Variants in CCDC39 observed in about 807,000 individuals in gnomAD.
CCDC39 encodes coiled-coil domain-containing protein 39.
A neutral mutation model predicts 121.0 loss-of-function variants in CCDC39; 113 were observed. The observed-to-expected ratio is 0.93, with a 90% CI of 0.80 to 1.09. CCDC39 has a LOEUF of 1.09. Among genes scored for constraint, CCDC39 ranks in the 50% least tolerant of loss-of-function variants. The probability of loss-of-function intolerance (pLI) is 0.00; values close to 1 mark genes in which losing one functional copy is unlikely to be tolerated. For missense variants in CCDC39, 1,063 were observed against 1,074.7 expected, an observed-to-expected ratio of 0.99 and a Z score of 0.15; for synonymous variants, 349 against 352.2, an observed-to-expected ratio of 0.99 and a Z score of 0.10.
In CCDC39 at chr3:180,652,205, T is replaced by C. The variant is rs1027440317; in HGVS notation, c.992A>G (p.Asn331Ser). The stretch of plus-strand genomic sequence containing the variant: ...AATGTCCTTCTTTATCTTGGAAATA[T>C]TTTTCCTCAGAGCTTCTAAATCACT... Reference protein sequence around the residue: ...TSSDLEALRKNISKIKKDIHE... With the variant: ...TSSDLEALRKSISKIKKDIHE... Residue 331 changes from asparagine to serine, a missense_variant, in exon 8 of 20, where the codon AAT becomes AGT. By Grantham distance (46) the Asn-to-Ser change is conservative. Transcript: ENST00000476379. 5 of 1,535,922 alleles carry C rather than the reference T, an allele frequency of 3.3e-6. No individual in the cohort carries two copies. Among genetic ancestry groups the C allele is most frequent in the Non-Finnish European group, 4.4e-6 (5 of 1,141,198 alleles).
At chr3:180,621,932 T>C (rs1271691619) in intron 14 of CCDC39, among the ~76,000 whole-genome samples, 2 of 152,060 alleles carry the variant, frequency 1.3e-5, no homozygotes, top group Non-Finnish European at 2.9e-5. Context: ...TGCATGTGAA[T>C]TTTAGGATTG....
Position 180,616,967 on chromosome 3 carries a change from C to T in CCDC39, c.2266-1G>A. On this transcript the variant is annotated splice_acceptor_variant, in intron 16 of 19. Transcript: ENST00000476379. LOFTEE classifies it high-confidence loss of function. ...TAACATCTAATGTATTTTCCATGCT[C>T]TGTAGAAAAAATATTAACATGTATT... 2 of 1,321,908 alleles carry T rather than the reference C, an allele frequency of 1.5e-6. No individual in the cohort carries two copies. The highest frequency in any genetic ancestry group is 2.1e-6 in the Non-Finnish European group (2 of 973,906). 81.9% of individuals were successfully genotyped at this position (1,321,908 alleles called of 1,614,324 possible).
chr3:180,651,664 C>G (rs1325240306), intron 8 of CCDC39, 131 bp from the exon 9 acceptor site: 7 of 758,908 alleles, frequency 9.2e-6, no homozygotes, highest in Non-Finnish European at 1.4e-5. Context: ...TTTATTACCA[C>G]TACATATTTA....
Position 180,647,188 on chromosome 3 carries a change from TTAA to T in CCDC39, c.1415_1417del (p.Ile472del), listed in dbSNP as rs1336978771. On this transcript the variant is annotated inframe_deletion, in exon 11 of 20. Transcript: ENST00000476379. ...TTCAAGCGCTTGTTTTTCTTCTGAATTAATTTCTCCCTTTAACCGTGACATTCT... is the reference window on the plus strand; with the variant it reads ...TTCAAGCGCTTGTTTTTCTTCTGAATTTTCTCCCTTTAACCGTGACATTCT... The T allele has an allele frequency of 6.2e-7, 1 of 1,611,980 alleles. No homozygotes were observed. The highest frequency in any genetic ancestry group is 1.7e-5 in the Admixed American group (1 of 59,842).
chr3:180,677,531 A>G (rs996304124), intron 1 of CCDC39, among the ~76,000 whole-genome samples: 22 of 151,974 alleles, frequency 1.4e-4, no homozygotes, highest in African/African-American at 5.3e-4. Flanking sequence ...TCAGTAATCT[A>G]TATTTGAAAT....
At position 180,678,526 on chromosome 3, in the gene CCDC39, G is replaced by A. The variant is rs148858978; in HGVS notation, c.90+765C>T. ...TATTTTTTTATTTTTTCGTAGAGAC[G>A]CGGTGGGAGGGGTTTGTGGGGGGTC... is the stretch of plus-strand genomic sequence containing the variant. On this transcript the variant is annotated intron_variant, in intron 1 of 19. Transcript: ENST00000476379. Among the ~76,000 whole-genome samples, 4 of 151,858 alleles carry A rather than the reference G, an allele frequency of 2.6e-5. No homozygotes were observed. In the East Asian group the frequency reaches 7.7e-4, roughly 29 times the overall value.
In CCDC39 at chr3:180,659,512, T is replaced by C; in HGVS notation, c.678A>G (p.Gln226=). 6.2e-7 allele frequency: 1 copy of C among 1,613,558 alleles called. No individual in the cohort carries two copies. ...GCATCTGTTCTATTGTGTTCTCCCA[T>C]TGTTTAATGAGTTCTTGTCTTTCAT... ...IHNERQELIK[Q]WENTIEQMQK... is the part of the protein sequence containing the mutation. Residue 226 remains glutamine, a synonymous_variant, in exon 6 of 20, where the codon CAA becomes CAG. Coordinates refer to ENST00000476379, the MANE Select transcript of CCDC39 (RefSeq NM_181426.2).
chr3:180,628,598 G>C (rs1717620673), intron 14 of CCDC39, among the ~76,000 whole-genome samples: 1 of 152,158 alleles, frequency 6.6e-6, no homozygotes, highest in Non-Finnish European at 1.5e-5. Context: ...AACAAGCTTT[G>C]TCTGTAAAGG....
intron 14 of CCDC39, among the ~76,000 whole-genome samples, chr3:180,628,166 A>G (rs1230142954): frequency 1.3e-5 from 2 of 152,156 alleles, no homozygotes; most frequent in African/African-American, 4.8e-5. Context: ...AACCAACCCT[A>G]TCAACACCTT....
chr3:180,628,428 C>T (rs933712219), intron 14 of CCDC39, among the ~76,000 whole-genome samples: 3 of 152,212 alleles, frequency 2.0e-5, no homozygotes, highest in East Asian at 1.9e-4. Flanking sequence ...AGGATGGTCT[C>T]GATCTCCTGA....
chr3:180,671,206 G>A (rs188037182), intron 1 of CCDC39, among the ~76,000 whole-genome samples: 27 of 119,732 alleles, frequency 2.3e-4, no homozygotes, highest in Non-Finnish European at 3.5e-4. Flanking sequence ...GCAAGACTCT[G>A]TGTCAAAAAA....
intron 1 of CCDC39, among the ~76,000 whole-genome samples, chr3:180,667,644 C>G (rs1253089929): frequency 9.2e-5 from 14 of 151,962 alleles, no homozygotes; most frequent in Non-Finnish European, 1.3e-4. Context: ...GATCAGGCCT[C>G]CCTCATCTCT....
chr3:180,647,606 T>C (rs1416811464), intron 10 of CCDC39, among the ~76,000 whole-genome samples: 1 of 152,130 alleles, frequency 6.6e-6, no homozygotes, highest in Admixed American at 6.5e-5. Flanking sequence ...CACTAATTGT[T>C]AGCCATGAAA....
At chr3:180,677,167 TTTATATATATATATATA>T (rs1560097198) in intron 1 of CCDC39, among the ~76,000 whole-genome samples, 3 of 72,248 alleles carry the variant, frequency 4.2e-5, no homozygotes, top group Non-Finnish European at 7.1e-5. Context: ...TAATAATAAT[TTTATATATATATATATA>T]TATATATATA....
chr3:180,675,016 C>T (rs574343720), intron 1 of CCDC39, among the ~76,000 whole-genome samples: 2 of 152,124 alleles, frequency 1.3e-5, no homozygotes, highest in Non-Finnish European at 2.9e-5. Flanking sequence ...GGGAGAATTC[C>T]CTCTTTTTCT....
intron 1 of CCDC39, among the ~76,000 whole-genome samples, chr3:180,667,868 TC>T (rs1711927935): frequency 1.3e-5 from 2 of 152,148 alleles, no homozygotes; most frequent in African/African-American, 4.8e-5. Context: ...AAAGTGCTGC[TC>T]CCTTGAACAC....
intron 1 of CCDC39, among the ~76,000 whole-genome samples, chr3:180,677,895 C>T (rs1560097467): frequency 6.6e-6 from 1 of 151,998 alleles, no homozygotes. Flanking sequence ...ACAGGAGTTG[C>T]TTTTTAAATG....
chr3:180,631,124 A>G (rs1717682088), intron 14 of CCDC39, among the ~76,000 whole-genome samples: 1 of 152,212 alleles, frequency 6.6e-6, no homozygotes. Context: ...AATAATAGCA[A>G]AAAGAAAAAA....
rs1711688406 is a variant in CCDC39, at chr3:180,659,558, T to C, written c.632A>G (p.Gln211Arg). ...SAQLELDKAA[Q>R]DFRKIHNERQ... The stretch of plus-strand genomic sequence containing the variant: ...TTCATTATGAATCTTACGAAAATCT[T>C]GTGCTGCTTTATCCAATTCTAACTG... Residue 211 changes from glutamine to arginine, a missense_variant, in exon 6 of 20, where the codon CAA becomes CGA. Gln to Arg is a conservative substitution (Grantham distance 43). Transcript: ENST00000476379. 1 of 1,613,136 alleles carries C rather than the reference T, an allele frequency of 6.2e-7. No homozygotes were observed. Among genetic ancestry groups the C allele is most frequent in the Non-Finnish European group, 8.5e-7 (1 of 1,179,558 alleles).
Sources: allele counts gnomAD v4.1 joint callset (sites outside exome capture counted in the v4.1 genomes callset), GRCh38; gene constraint gnomAD v4.1.1; transcripts MANE v1.5; gene names NCBI Gene and HGNC (gene_info 2026-07-23, HGNC 2026-07-21).